The following GPR137 variants were observed in gnomAD, a reference collection of about 807,000 sequenced individuals.
GPR137 encodes integral membrane protein GPR137.
Under a neutral mutation model 38.9 loss-of-function variants are expected in GPR137, and 20 were observed. The observed-to-expected ratio is 0.51, with a 90% CI of 0.36 to 0.75. The LOEUF (loss-of-function observed/expected upper bound fraction) is 0.75, where lower values mean the gene tolerates loss of function less well. GPR137 is among the 30% of genes least tolerant of loss of function. The pLI is 0.00. For synonymous variants in GPR137, 226 were observed against 235.8 expected, an observed-to-expected ratio of 0.96 and a Z score of 0.38; for missense variants, 456 against 526.4, an observed-to-expected ratio of 0.87 and a Z score of 1.31.
chr11:64,286,079 G>C lies in GPR137; in HGVS notation c.-446G>C. On this transcript the variant is annotated 5_prime_UTR_variant, in exon 1 of 7. Transcript: ENST00000438980. ...GAGAGAGCCTCCCCCAGCTTGGGGA[G>C]GGGGAGAGCGGGGCATTGGGCGCCC... is the stretch of plus-strand genomic sequence containing the variant. The C allele has an allele frequency of 1.0e-6, 1 of 993,672 alleles. No homozygotes were observed. Among genetic ancestry groups the C allele is most frequent in the Non-Finnish European group, 1.2e-6 (1 of 835,602 alleles). The allele number at this position is 993,672 out of a possible 1,614,324, so 61.6% of individuals were successfully genotyped here.
At chr11:64,273,348 G>C (rs2032782417), upstream of GPR137, among the ~76,000 whole-genome samples, 1 of 152,130 alleles carries the variant, frequency 6.6e-6, no homozygotes, top group African/African-American at 2.4e-5. Context: ...ACTCCAGCCT[G>C]GGTGGCAGAG....
chr11:64,284,779 G>A (rs2135157145), upstream of GPR137: 1 of 1,534,026 alleles, frequency 6.5e-7, no homozygotes, highest in East Asian at 2.4e-5. Flanking sequence ...TCCAGAGGCG[G>A]GGTCAACCCG....
At chr11:64,275,608 C>T (rs1336699919), upstream of GPR137, 1 of 152,160 alleles carries the variant, frequency 6.6e-6, no homozygotes, top group Admixed American at 6.5e-5. Context: ...GAAACAGAGG[C>T]AGAGGTTAAG....
upstream of GPR137, chr11:64,271,545 G>A (rs111963984): frequency 2.9e-6 from 4 of 1,360,418 alleles, no homozygotes; most frequent in African/African-American, 3.0e-5. Flanking sequence ...CTTGGGACAA[G>A]GCAGGGACAG....
At chr11:64,285,200 A>G, upstream of GPR137, 1 of 987,688 alleles carries the variant, frequency 1.0e-6, no homozygotes, top group Non-Finnish European at 1.2e-6. Context: ...CCAGGCGCGG[A>G]AGCTTCGCGC....
Sources: gnomAD v4.1 joint callset for allele counts (sites outside exome capture counted in the v4.1 genomes callset) on GRCh38, gnomAD v4.1.1 for gene constraint, MANE v1.5 for transcripts, NCBI Gene and HGNC (gene_info 2026-07-23, HGNC 2026-07-21) for gene names.